Variants in BICC1 observed in about 807,000 individuals in gnomAD.
BICC1 encodes protein bicaudal C homolog 1.
Under a neutral mutation model 111.0 loss-of-function variants are expected in BICC1, and 43 were observed. The ratio of observed to expected loss-of-function variants is 0.39; its 90% CI spans 0.30 to 0.50. BICC1 has a LOEUF of 0.50. Among genes scored for constraint, BICC1 ranks in the 20% least tolerant of loss-of-function variants. BICC1 has a pLI of 0.88. For synonymous variants in BICC1, 467 were observed against 434.4 expected (o/e 1.07, Z -0.93); for missense variants, 1,091 against 1,203.2 (o/e 0.91, Z 1.38).
intron 2 of BICC1, among the ~76,000 whole-genome samples, chr10:58,637,545 C>G (rs1003510582): frequency 2.6e-5 from 4 of 152,236 alleles, no homozygotes; most frequent in African/African-American, 9.6e-5. Context: ...ATTGTCTTCC[C>G]TCCTCACGCA....
intron 1 of BICC1, among the ~76,000 whole-genome samples, chr10:58,573,598 G>T (rs1276535314): frequency 6.6e-6 from 1 of 152,144 alleles, no homozygotes; most frequent in Non-Finnish European, 1.5e-5. Flanking sequence ...TTATTAGGCG[G>T]TGTGTAATAA....
At chr10:58,661,180 A>G (rs560463872) in intron 2 of BICC1, among the ~76,000 whole-genome samples, 3 of 148,138 alleles carry the variant, frequency 2.0e-5, no homozygotes, top group Non-Finnish European at 4.5e-5. Context: ...CAAATTCGTA[A>G]TTTTTTAAAG....
In BICC1 at chr10:58,666,653, T is replaced by C. The variant is rs147660120; in HGVS notation, c.238-35421T>C. Among the ~76,000 whole-genome samples the C allele has an allele frequency of 7.0e-3, 1,067 of 152,236 alleles. 15 individuals are homozygous for C. Among genetic ancestry groups the C allele is most frequent in the African/African-American group, 0.025 (1,031 of 41,558 alleles). On this transcript the variant is annotated intron_variant, in intron 2 of 20. Coordinates refer to ENST00000373886, the MANE Select transcript of BICC1 (RefSeq NM_001080512.3). ...ACAAAATCAGCATTTATTAGCTGTA[T>C]GCTCTTGGGCAAGTTACTTAGTGTT...
At chr10:58,621,065 G>C (rs745507310) in intron 2 of BICC1, among the ~76,000 whole-genome samples, 164 bp downstream of exon 2, 2 of 152,154 alleles carry the variant, frequency 1.3e-5, no homozygotes, top group Non-Finnish European at 2.9e-5. Context: ...AGGGGATGCT[G>C]TATGAAACTT....
chr10:58,646,771 T>C (rs776817529), intron 2 of BICC1, among the ~76,000 whole-genome samples: 2 of 118,348 alleles, frequency 1.7e-5, no homozygotes, highest in Non-Finnish European at 3.5e-5. Flanking sequence ...ATATATGTTC[T>C]TTCTTTCTTG....
intron 3 of BICC1, among the ~76,000 whole-genome samples, chr10:58,769,376 A>ATGTGTG (rs71006205): frequency 6.8e-5 from 5 of 73,346 alleles, no homozygotes; most frequent in African/African-American, 2.0e-4. Context: ...TTTATAATGT[A>ATGTGTG]TGTGTGTGTG....
intron 2 of BICC1, among the ~76,000 whole-genome samples, chr10:58,658,564 T>C (rs1025766820): frequency 1.3e-5 from 2 of 152,180 alleles, no homozygotes; most frequent in Non-Finnish European, 2.9e-5. Flanking sequence ...TCTGTGTTTG[T>C]TACTTAGCAT....
intron 2 of BICC1, among the ~76,000 whole-genome samples, chr10:58,699,957 G>T (rs1398135180): frequency 2.6e-5 from 4 of 152,176 alleles, no homozygotes; most frequent in Non-Finnish European, 4.4e-5. Context: ...CTCCCAAAGT[G>T]CTGGGATTAT....
rs555246371 is a variant in BICC1, at chr10:58,829,475, T to A, written c.*584T>A. The A allele has an allele frequency of 6.6e-6, 1 of 152,220 alleles. No individual in the cohort carries two copies. The highest frequency in any genetic ancestry group is 6.6e-5 in the Admixed American group (1 of 15,266). 9.4% of individuals were successfully genotyped at this position (152,220 alleles called of 1,614,324 possible). On this transcript the variant is annotated 3_prime_UTR_variant, in exon 21 of 21. Transcript: ENST00000373886. ...ATATGTTGGTACAGATAAGAGTTAG[T>A]CACATTTTTCTGACTGCATCAAACT...
At chr10:58,570,869 T>G (rs1243617632) in intron 1 of BICC1, among the ~76,000 whole-genome samples, 3 of 152,078 alleles carry the variant, frequency 2.0e-5, no homozygotes, top group African/African-American at 7.2e-5. Context: ...GGGTAGCAAG[T>G]GTAGTTTAGG....
chr10:58,816,194 A>G (rs1470350899), intron 18 of BICC1, among the ~76,000 whole-genome samples: 1 of 152,176 alleles, frequency 6.6e-6, no homozygotes, highest in Non-Finnish European at 1.5e-5. Context: ...GTCACATCCC[A>G]CATCTGGTGG....
chr10:58,681,993 T>C (rs1284971851), intron 2 of BICC1, among the ~76,000 whole-genome samples: 2 of 151,722 alleles, frequency 1.3e-5, no homozygotes, highest in African/African-American at 2.4e-5. Flanking sequence ...ATTAGGTATT[T>C]CTCCTAATGC....
At chr10:58,621,242 A>G (rs1389965176) in intron 2 of BICC1, among the ~76,000 whole-genome samples, 1 of 152,234 alleles carries the variant, frequency 6.6e-6, no homozygotes, top group Non-Finnish European at 1.5e-5. Context: ...GGTAAGGTAC[A>G]CTATCCTATA....
In BICC1 at chr10:58,733,361, T is replaced by C. The variant is rs1371112917; in HGVS notation, c.307+31218T>C. The stretch of plus-strand genomic sequence containing the variant: ...TCCTTTCACTGCCAATGCAATTTCT[T>C]GTGATTCTAATCTGTAAAAAAAGTA... On this transcript the variant is annotated intron_variant, in intron 3 of 20. Transcript: ENST00000373886. Among the ~76,000 whole-genome samples the C allele has an allele frequency of 3.3e-5, 5 of 152,236 alleles. No homozygotes were observed. The South Asian group carries it at 1.0e-3, about 31-fold the overall frequency.
chr10:58,785,244 A>G (rs1036097084), intron 4 of BICC1, among the ~76,000 whole-genome samples, 164 bp downstream of exon 4: 1 of 152,178 alleles, frequency 6.6e-6, no homozygotes, highest in African/African-American at 2.4e-5. Context: ...GTTCTGTTTA[A>G]TATTTGAATA....
chr10:58,803,039 T>C (rs188312987), intron 14 of BICC1, 38 bp from the exon 15 acceptor site: 15 of 1,527,728 alleles, frequency 9.8e-6, no homozygotes, highest in Non-Finnish European at 1.8e-6. Context: ...CATTTGTATA[T>C]ATAGTGGAGT....
At chr10:58,665,612 C>T (rs148781796) in intron 2 of BICC1, among the ~76,000 whole-genome samples, 2 of 152,142 alleles carry the variant, frequency 1.3e-5, no homozygotes, top group East Asian at 3.9e-4. Context: ...TTTTTCATTC[C>T]CCTTGCTTCA....
intron 3 of BICC1, among the ~76,000 whole-genome samples, chr10:58,750,537 C>CAT (rs1276238580): frequency 6.6e-6 from 1 of 152,084 alleles, no homozygotes; most frequent in African/African-American, 2.4e-5. Context: ...TTTGTGCTTG[C>CAT]ATATAGATCT....
intron 3 of BICC1, among the ~76,000 whole-genome samples, chr10:58,764,456 G>T (rs531980602): frequency 6.6e-6 from 1 of 152,100 alleles, no homozygotes; most frequent in South Asian, 2.1e-4. Context: ...TTCACTTGTG[G>T]ATGAAAAAGC....
Sources: allele counts gnomAD v4.1 joint callset (sites outside exome capture counted in the v4.1 genomes callset), GRCh38; gene constraint gnomAD v4.1.1; transcripts MANE v1.5; gene names NCBI Gene and HGNC (gene_info 2026-07-23, HGNC 2026-07-21).